IQSEC1: variants seen among roughly 807,000 people sequenced by gnomAD.
IQSEC1 encodes IQ motif and SEC7 domain-containing protein 1.
A neutral mutation model predicts 91.0 loss-of-function variants in IQSEC1; 31 were observed. The ratio of observed to expected loss-of-function variants is 0.34; its 90% CI spans 0.26 to 0.46. The LOEUF (loss-of-function observed/expected upper bound fraction) is 0.46. Among genes scored for constraint, IQSEC1 ranks in the 20% least tolerant of loss-of-function variants. The probability of loss-of-function intolerance (pLI) is 1.00; values close to 1 mark genes in which losing one functional copy is unlikely to be tolerated. For synonymous variants in IQSEC1, 699 were observed against 662.6 expected (o/e 1.05, Z -0.84); for missense variants, 1,388 against 1,575.6 (o/e 0.88, Z 2.02).
At chr3:13,242,999 G>C (rs2125105392) in intron 1 of IQSEC1, among the ~76,000 whole-genome samples, 1 of 152,312 alleles carries the variant, frequency 6.6e-6, no homozygotes, top group Non-Finnish European at 1.5e-5. Flanking sequence ...TGGAGAACTT[G>C]AGAGGGTTCC....
intron 1 of IQSEC1, among the ~76,000 whole-genome samples, chr3:13,198,638 C>A (rs193037419): frequency 6.6e-6 from 1 of 152,214 alleles, no homozygotes; most frequent in African/African-American, 2.4e-5. Flanking sequence ...CCACAGCCAA[C>A]TGCCTTTGAA....
chr3:13,109,166 G>A (rs1460643730), intron 2 of IQSEC1, among the ~76,000 whole-genome samples: 2 of 152,198 alleles, frequency 1.3e-5, no homozygotes, highest in African/African-American at 4.8e-5. Flanking sequence ...ACTGGCATGC[G>A]CAATGCTGCA....
At chr3:13,019,405 A>C (rs1410391009) in intron 1 of IQSEC1, among the ~76,000 whole-genome samples, 1 of 152,158 alleles carries the variant, frequency 6.6e-6, no homozygotes, top group Admixed American at 6.5e-5. Context: ...CTCGGAGGGG[A>C]ATCTGAAGAC....
At chr3:13,127,430 A>C (rs906687453) in intron 2 of IQSEC1, among the ~76,000 whole-genome samples, 18 of 123,146 alleles carry the variant, frequency 1.5e-4, no homozygotes, top group African/African-American at 1.6e-4. Context: ...CAACAACAAA[A>C]AAACAAACAA....
intron 1 of IQSEC1, among the ~76,000 whole-genome samples, chr3:13,278,630 C>T (rs1272780500): frequency 6.6e-6 from 1 of 152,142 alleles, no homozygotes; most frequent in African/African-American, 2.4e-5. Flanking sequence ...AGCAGCCTGA[C>T]CAACATGGTG....
intron 1 of IQSEC1, among the ~76,000 whole-genome samples, chr3:13,177,427 G>A (rs79693468): frequency 0.03 from 4,541 of 152,272 alleles, 238 homozygotes; most frequent in African/African-American, 0.095. Context: ...CAGGCCAGGC[G>A]CAGCACAGAG....
chr3:13,063,716 C>A (rs1472652439), intron 1 of IQSEC1, among the ~76,000 whole-genome samples: 1 of 152,242 alleles, frequency 6.6e-6, no homozygotes, highest in Non-Finnish European at 1.5e-5. Context: ...CAGCTGGCAG[C>A]AAAAGGGACT....
At chr3:13,241,111 T>C (rs12495466) in intron 1 of IQSEC1, among the ~76,000 whole-genome samples, 10,992 of 152,230 alleles carry the variant, frequency 0.072, 702 homozygotes, top group African/African-American at 0.17. Context: ...CAACGCCTCA[T>C]GTCCACGGGC....
Position 12,924,461 on chromosome 3 carries a change from G to T in IQSEC1, c.1730+120C>A. 2 of 1,009,946 alleles carry T rather than the reference G, an allele frequency of 2.0e-6. No homozygotes were observed. Among genetic ancestry groups the T allele is most frequent in the Non-Finnish European group, 2.8e-6 (2 of 707,098 alleles). The allele number at this position is 1,009,946 out of a possible 1,614,324, so 62.6% of individuals were successfully genotyped here. A position where few individuals can be genotyped will look rare whatever the true frequency, so the allele number is the denominator to read the frequency against. ...TAGGACTTAGGAAGAGAGAAAGGGG[G>T]GCCCACCACATGTCCCAGCAAGTAG... is the stretch of plus-strand genomic sequence containing the variant. On this transcript the variant is annotated intron_variant, in intron 4 of 13. Coordinates refer to ENST00000613206, the MANE Select transcript of IQSEC1 (RefSeq NM_001134382.3). The surrounding 1 kb of genome is among the most constrained non-coding windows in gnomAD (Gnocchi z 6.3).
Position 12,900,546 on chromosome 3 carries a change from A to T in IQSEC1, c.*437T>A. 1.0e-6 allele frequency: 1 copy of T among 986,218 alleles called. No homozygotes were observed. The highest frequency in any genetic ancestry group is 1.1e-4 in the East Asian group (1 of 8,928). 61.1% of individuals were successfully genotyped at this position (986,218 alleles called of 1,614,324 possible). On this transcript the variant is annotated 3_prime_UTR_variant, in exon 14 of 14. Coordinates refer to ENST00000613206, the MANE Select transcript of IQSEC1 (RefSeq NM_001134382.3). Reference sequence around the variant, plus strand: ...ATCAGGTCTACTTATTTTTTTGCCCATTGTCAATAAAAGAGCAATAATGCA... The same window carrying T: ...ATCAGGTCTACTTATTTTTTTGCCCTTTGTCAATAAAAGAGCAATAATGCA...
intron 1 of IQSEC1, among the ~76,000 whole-genome samples, chr3:13,187,957 C>T (rs1346425395): frequency 2.0e-5 from 3 of 152,208 alleles, no homozygotes; most frequent in Non-Finnish European, 4.4e-5. Flanking sequence ...CCCCCAGAGG[C>T]CCCATTTCCT....
At chr3:13,175,661 C>G (rs559325327) in intron 1 of IQSEC1, among the ~76,000 whole-genome samples, 1 of 152,348 alleles carries the variant, frequency 6.6e-6, no homozygotes, top group South Asian at 2.1e-4. Flanking sequence ...CGCTGGCTGG[C>G]TTATAAACAG....
intron 1 of IQSEC1, among the ~76,000 whole-genome samples, chr3:13,220,816 C>T (rs772062963): frequency 3.9e-5 from 6 of 152,216 alleles, no homozygotes; most frequent in Non-Finnish European, 5.9e-5. Flanking sequence ...ATTAACAGGC[C>T]GGCCAAACAC....
chr3:13,180,728 G>A (rs1447844794), intron 1 of IQSEC1, among the ~76,000 whole-genome samples: 3 of 149,952 alleles, frequency 2.0e-5, no homozygotes, highest in African/African-American at 5.1e-5. Context: ...CGAGCCCACC[G>A]GGAGGAACGA....
At chr3:13,197,389 C>T (rs1344372236) in intron 1 of IQSEC1, among the ~76,000 whole-genome samples, 1 of 152,220 alleles carries the variant, frequency 6.6e-6, no homozygotes, top group East Asian at 1.9e-4. Flanking sequence ...GCTGGACAGG[C>T]ACTGAGTTCC....
intron 1 of IQSEC1, among the ~76,000 whole-genome samples, chr3:13,240,343 C>G (rs1427382032): frequency 6.6e-6 from 1 of 152,108 alleles, no homozygotes; most frequent in East Asian, 1.9e-4. Context: ...TGCACTCCAG[C>G]CTGGGTGACA....
intron 1 of IQSEC1, among the ~76,000 whole-genome samples, chr3:13,236,871 A>G (rs551135773): frequency 6.6e-6 from 1 of 152,282 alleles, no homozygotes; most frequent in East Asian, 1.9e-4. Context: ...TACTTTGGGA[A>G]GGGGTGTTTT....
At chr3:13,020,009 G>A (rs887870564) in intron 1 of IQSEC1, among the ~76,000 whole-genome samples, 19 of 152,194 alleles carry the variant, frequency 1.2e-4, no homozygotes, top group Admixed American at 7.2e-4. Flanking sequence ...AAGAGGGAGC[G>A]AGCGAATCAC....
At chr3:13,003,909 A>C in intron 1 of IQSEC1, among the ~76,000 whole-genome samples, 1 of 152,252 alleles carries the variant, frequency 6.6e-6, no homozygotes, top group East Asian at 1.9e-4. Context: ...GTGACATCTC[A>C]AATGCTTCTA....
Sources: allele counts gnomAD v4.1 joint callset (sites outside exome capture counted in the v4.1 genomes callset), GRCh38; gene constraint gnomAD v4.1.1; non-coding constraint Gnocchi (gnomAD v3.1); transcripts MANE v1.5; gene names NCBI Gene and HGNC (gene_info 2026-07-23, HGNC 2026-07-21).